TMPRSS9: variants seen among roughly 807,000 people sequenced by gnomAD.
TMPRSS9 encodes the protein transmembrane serine protease 9, also known as transmembrane protease serine 9.
TMPRSS9 carries 113 observed loss-of-function variants against 111.4 expected under a neutral mutation model. The ratio of observed to expected loss-of-function variants is 1.01; its 90% CI spans 0.87 to 1.19. The LOEUF (loss-of-function observed/expected upper bound fraction) is 1.19, where lower values mean the gene tolerates loss of function less well. Ranked by LOEUF, TMPRSS9 falls within the 50% of genes most tolerant of loss-of-function variation. The probability of loss-of-function intolerance (pLI) is 0.00; values close to 1 mark genes in which losing one functional copy is unlikely to be tolerated. For synonymous variants in TMPRSS9, 805 were observed against 659.1 expected (o/e 1.22, Z -3.39); for missense variants, 1,803 against 1,513.1 (o/e 1.19, Z -3.18).
chr19:2,397,677 T>C (rs1253745725), intron 2 of TMPRSS9, among the ~76,000 whole-genome samples: 1 of 150,718 alleles, frequency 6.6e-6, no homozygotes, highest in Non-Finnish European at 1.5e-5. Context: ...CCCAGCACTT[T>C]GGGAGGCCGA....
chr19:2,395,865 A>G (rs6510664), intron 1 of TMPRSS9, among the ~76,000 whole-genome samples: 61,488 of 150,836 alleles, frequency 0.41, 14,108 homozygotes, highest in East Asian at 0.65. Context: ...AAAATTAGCC[A>G]CGCGTGGTCG....
At chr19:2,391,961 C>T (rs1970607531) in intron 1 of TMPRSS9, among the ~76,000 whole-genome samples, 1 of 151,940 alleles carries the variant, frequency 6.6e-6, no homozygotes, top group Non-Finnish European at 1.5e-5. Context: ...AGGATGGTCT[C>T]AAACTGCTGA....
upstream of TMPRSS9, among the ~76,000 whole-genome samples, chr19:2,384,812 CAAAAA>C (rs1176243923): frequency 4.2e-5 from 4 of 94,372 alleles, no homozygotes; most frequent in Admixed American, 1.2e-4. Flanking sequence ...AAGGCTCCGT[CAAAAA>C]AAAAAAAAAA....
At chr19:2,365,933 C>A (rs938604010) in intron 1 of TMPRSS9, among the ~76,000 whole-genome samples, 1 of 151,918 alleles carries the variant, frequency 6.6e-6, no homozygotes, top group East Asian at 1.9e-4. Context: ...CACTGCACTC[C>A]AGCCTGGGTG....
intron 7 of TMPRSS9, among the ~76,000 whole-genome samples, chr19:2,406,319 C>CTTTATTTTAT (rs113369352): frequency 2.1e-5 from 3 of 144,804 alleles, no homozygotes; most frequent in African/African-American, 7.7e-5. Flanking sequence ...CGCCCGGCCT[C>CTTTATTTTAT]TTTATTTTAT....
Position 2,408,338 on chromosome 19 carries a change from T to TGGG in TMPRSS9, c.843-16_843-14dup, listed in dbSNP as rs1220747753. ...CTCTGACCCTCGGTGGCTTCTGAGC[T>TGGG]GGGGTTTGCTCCTGCAGGTTCCAAG... On this transcript the variant is annotated splice_polypyrimidine_tract_variant and intron_variant, in intron 7 of 17. Coordinates refer to ENST00000648592, the Ensembl canonical transcript of TMPRSS9. The TGGG allele has an allele frequency of 1.9e-6, 3 of 1,607,512 alleles. No individual in the cohort carries two copies. The highest frequency in any genetic ancestry group is 1.3e-5 in the African/African-American group (1 of 74,926).
exon 1 of TMPRSS9, among the ~76,000 whole-genome samples, chr19:2,360,308 T>A (rs2145231149): frequency 6.6e-6 from 1 of 151,630 alleles, no homozygotes; most frequent in South Asian, 2.1e-4. Context: ...TGAGTCGGGG[T>A]CTCCTGCGGG....
intron 1 of TMPRSS9, among the ~76,000 whole-genome samples, chr19:2,369,188 T>C (rs1003558530): frequency 1.3e-5 from 2 of 152,032 alleles, no homozygotes; most frequent in African/African-American, 4.8e-5. Flanking sequence ...TGACTTCAGG[T>C]GATCCACCCA....
At chr19:2,364,813 A>G (rs1000178125) in intron 1 of TMPRSS9, among the ~76,000 whole-genome samples, 3 of 151,568 alleles carry the variant, frequency 2.0e-5, no homozygotes, top group South Asian at 2.1e-4. Flanking sequence ...CTGAAACCCC[A>G]TCTCTACTAA....
upstream of TMPRSS9, among the ~76,000 whole-genome samples, chr19:2,385,356 C>T (rs866990077): frequency 6.6e-6 from 1 of 152,176 alleles, no homozygotes; most frequent in African/African-American, 2.4e-5. Flanking sequence ...ATCCATGCGA[C>T]ACAGGCAGTT....
rs200275645 is a variant in TMPRSS9 at position 2,392,891 on chromosome 19, G to A, written c.142+2964G>A. On this transcript the variant is annotated intron_variant, in intron 1 of 17. Coordinates refer to ENST00000648592, the Ensembl canonical transcript of TMPRSS9. ...CTCAAGGTTTGCAAATGCACCAATC[G>A]CACCAATCAGTGTTCTGTGTCTAGC... Among the ~76,000 whole-genome samples, 64 of 151,688 alleles carry A rather than the reference G, an allele frequency of 4.2e-4. No homozygotes were observed. In the East Asian group the frequency reaches 4.6e-3, roughly 11 times the overall value.
At chr19:2,379,720 CTT>C (rs1845203543) in intron 1 of TMPRSS9, among the ~76,000 whole-genome samples, 4 of 146,532 alleles carry the variant, frequency 2.7e-5, no homozygotes, top group African/African-American at 7.6e-5. Context: ...CTCCCTTCCT[CTT>C]TTTCTCTTTC....
exon 14 of TMPRSS9, chr19:2,422,052 C>A (rs1303668645): frequency 6.2e-7 from 1 of 1,612,126 alleles, no homozygotes; most frequent in Non-Finnish European, 8.5e-7. Context: ...CACAAGGATG[C>A]TGGCCACCAC....
exon 14 of TMPRSS9, chr19:2,422,075 G>A (rs374505326): frequency 1.2e-5 from 19 of 1,609,454 alleles, no homozygotes; most frequent in African/African-American, 2.7e-5. Flanking sequence ...GCCCCAGGAC[G>A]ACAGCTGGCC....
chr19:2,392,440 C>T (rs1970617445), intron 1 of TMPRSS9, among the ~76,000 whole-genome samples: 1 of 151,440 alleles, frequency 6.6e-6, no homozygotes, highest in African/African-American at 2.4e-5. Flanking sequence ...GGCGTAGTGG[C>T]TCACGCCAGT....
intron 4 of TMPRSS9, among the ~76,000 whole-genome samples, chr19:2,399,671 AGTGTT>A (rs748899917): frequency 4.6e-5 from 7 of 152,030 alleles, no homozygotes; most frequent in African/African-American, 1.4e-4. Context: ...AAAGAGCCAG[AGTGTT>A]GTGTTGTGTT....
chr19:2,399,027 C>T (rs1274032979), exon 4 of TMPRSS9: 1 of 1,611,404 alleles, frequency 6.2e-7, no homozygotes, highest in East Asian at 2.2e-5. Flanking sequence ...GGGATGGGAA[C>T]TCCAGTGTCC....
chr19:2,382,283 C>A lies in TMPRSS9; in HGVS notation c.-25-7478C>A, dbSNP rs1970393928. On this transcript the variant is annotated intron_variant, in intron 1 of 17. Transcript: ENST00000649857. ...CCTCATCCTCCCAAGAAACCATGTGCCACCATGCCCGGCTAATTTTTTTAT... is the reference window on the plus strand; with the variant it reads ...CCTCATCCTCCCAAGAAACCATGTGACACCATGCCCGGCTAATTTTTTTAT... 2.7e-5 allele frequency among the ~76,000 whole-genome samples: 4 copies of A among 149,022 alleles called. No individual in the cohort carries two copies. In the South Asian group the frequency reaches 8.5e-4, roughly 32 times the overall value.
upstream of TMPRSS9, among the ~76,000 whole-genome samples, chr19:2,389,585 C>G (rs1393297627): frequency 6.6e-6 from 1 of 152,040 alleles, no homozygotes; most frequent in Non-Finnish European, 1.5e-5. Context: ...CCGGGCTGAT[C>G]TGGAATTCCC....
Sources: allele counts gnomAD v4.1 joint callset (sites outside exome capture counted in the v4.1 genomes callset), GRCh38; gene constraint gnomAD v4.1.1; transcripts MANE v1.5; gene names NCBI Gene and HGNC (gene_info 2026-07-23, HGNC 2026-07-21).